RPTOR: variants seen among roughly 807,000 people sequenced by gnomAD.
The protein encoded by RPTOR is regulatory associated protein of MTOR complex 1.
RPTOR carries 21 observed loss-of-function variants against 169.9 expected under a neutral mutation model. The observed-to-expected ratio is 0.12, with a 90% CI of 0.09 to 0.18. RPTOR has a LOEUF of 0.18. RPTOR is among the 10% of genes least tolerant of loss of function. The pLI is 1.00. For missense variants in RPTOR, 1,133 were observed against 1,855.9 expected, an observed-to-expected ratio of 0.61 and a Z score of 7.16; for synonymous variants, 732 against 753.2, an observed-to-expected ratio of 0.97 and a Z score of 0.46.
chr17:80,801,636 T>G (rs2067158962), intron 7 of RPTOR: 1 of 152,200 alleles, frequency 6.6e-6, no homozygotes, highest in South Asian at 2.1e-4. Flanking sequence ...AAGATCCCAG[T>G]CTTGATTCAA....
At chr17:80,755,738 CAAA>C (rs77078803) in intron 6 of RPTOR, among the ~76,000 whole-genome samples, 76 of 80,228 alleles carry the variant, frequency 9.5e-4, no homozygotes, top group African/African-American at 3.6e-3. Context: ...GACCCTGTCT[CAAA>C]AAAAAAAAAA....
At chr17:80,827,887 A>G (rs28742979) in intron 9 of RPTOR, among the ~76,000 whole-genome samples, 36,470 of 152,154 alleles carry the variant, frequency 0.24, 4,540 homozygotes, top group African/African-American at 0.29. Context: ...TACGATTTTT[A>G]CTATCAATAT....
chr17:80,814,711 C>T (rs1255629697), intron 7 of RPTOR, among the ~76,000 whole-genome samples: 4 of 152,192 alleles, frequency 2.6e-5, no homozygotes, highest in African/African-American at 9.7e-5. Context: ...CTGTATTCGA[C>T]TTTCACGCTA....
chr17:80,739,180 C>T (rs1208020872), intron 5 of RPTOR, among the ~76,000 whole-genome samples: 2 of 133,570 alleles, frequency 1.5e-5, no homozygotes, highest in Non-Finnish European at 3.3e-5. Context: ...CTCGCCCCGC[C>T]CCGACGCGGA....
chr17:80,551,328 C>T (rs1341728370), intron 1 of RPTOR, among the ~76,000 whole-genome samples: 3 of 152,112 alleles, frequency 2.0e-5, no homozygotes, highest in Non-Finnish European at 4.4e-5. Context: ...ACCCAGGGAA[C>T]CAGCGTTCAG....
chr17:80,625,653 T>C, intron 1 of RPTOR, 38 bp from the exon 2 acceptor site: 1 of 1,438,072 alleles, frequency 7.0e-7, no homozygotes, highest in Non-Finnish European at 9.8e-7. Flanking sequence ...GAGTTCCATA[T>C]TGAAATATTT....
chr17:80,716,404 A>G (rs2066239766), intron 4 of RPTOR, among the ~76,000 whole-genome samples: 2 of 151,636 alleles, frequency 1.3e-5, no homozygotes, highest in Non-Finnish European at 2.9e-5. Flanking sequence ...CCTTAGCCCA[A>G]TTTTTGATGG....
chr17:80,746,344 C>G lies in RPTOR; in HGVS notation c.655-7666C>G, dbSNP rs2066575016. ...ACAGCGGTGCTTTCTGCGGGTGATC[C>G]CCACCGCCCCCACAGCGGTGCTTTC... On this transcript the variant is annotated intron_variant, in intron 5 of 33. Transcript: ENST00000306801. The surrounding 1 kb of genome is among the most constrained non-coding windows in gnomAD (Gnocchi z 4.5). Among the ~76,000 whole-genome samples the G allele has an allele frequency of 6.6e-6, 1 of 151,650 alleles. No homozygotes were observed. Among genetic ancestry groups the G allele is most frequent in the Non-Finnish European group, 1.5e-5 (1 of 67,904 alleles).
chr17:80,851,994 G>A (rs549197432), intron 11 of RPTOR, among the ~76,000 whole-genome samples: 2 of 152,182 alleles, frequency 1.3e-5, no homozygotes, highest in Non-Finnish European at 2.9e-5. Context: ...CAGCCATGGC[G>A]AGACCTGCCT....
At chr17:80,929,325 G>T (rs923137856) in intron 24 of RPTOR, among the ~76,000 whole-genome samples, 3 of 152,266 alleles carry the variant, frequency 2.0e-5, no homozygotes, top group Non-Finnish European at 4.4e-5. Context: ...TTACACAGCA[G>T]GCTGGCCACA....
Position 80,923,677 on chromosome 17 carries a change from C to A in RPTOR, c.2808+4C>A, listed in dbSNP as rs781177909. On this transcript the variant is annotated splice_donor_region_variant and intron_variant, in intron 23 of 33. Transcript: ENST00000306801. ...GTTCGACAAGGGCCCAGAGCAGGTA[C>A]GGGAGCCCGGCTGCCTGGTGATCTG... The A allele has an allele frequency of 6.3e-7, 1 of 1,581,604 alleles. No homozygotes were observed. Among genetic ancestry groups the A allele is most frequent in the East Asian group, 2.3e-5 (1 of 43,960 alleles).
intron 5 of RPTOR, among the ~76,000 whole-genome samples, chr17:80,748,076 G>A (rs2066594144): frequency 8.4e-6 from 1 of 119,160 alleles, no homozygotes; most frequent in African/African-American, 3.8e-5. Flanking sequence ...TGGAGGGACT[G>A]CGGTGTGTGT....
chr17:80,866,257 TATAAA>T (rs1487052849), intron 13 of RPTOR, among the ~76,000 whole-genome samples: 1 of 151,654 alleles, frequency 6.6e-6, no homozygotes, highest in Non-Finnish European at 1.5e-5. Context: ...TATATTAAGA[TATAAA>T]ATAAATAGGT....
chr17:80,660,220 G>A (rs188372184), intron 3 of RPTOR, among the ~76,000 whole-genome samples: 4 of 149,782 alleles, frequency 2.7e-5, no homozygotes, highest in East Asian at 3.9e-4. Context: ...GCAGTGAGCC[G>A]AGATCGCACC....
intron 8 of RPTOR, among the ~76,000 whole-genome samples, 170 bp from the exon 9 acceptor site, chr17:80,822,909 G>GT (rs1388811209): frequency 6.6e-6 from 1 of 152,106 alleles, no homozygotes; most frequent in Non-Finnish European, 1.5e-5. Flanking sequence ...GTGTGTGTAT[G>GT]TTTAAGTGTG....
At chr17:80,576,671 C>T (rs965287538) in intron 1 of RPTOR, among the ~76,000 whole-genome samples, 1 of 152,220 alleles carries the variant, frequency 6.6e-6, no homozygotes, top group Non-Finnish European at 1.5e-5. Flanking sequence ...ATGCCACATT[C>T]ACTTCGTTAG....
chr17:80,671,667 G>T (rs975790132), intron 3 of RPTOR, among the ~76,000 whole-genome samples: 1 of 152,174 alleles, frequency 6.6e-6, no homozygotes, highest in East Asian at 1.9e-4. Context: ...GGAACCTGGG[G>T]CTTACTGGAG....
chr17:80,708,138 C>A lies in RPTOR; in HGVS notation c.507+139C>A. On this transcript the variant is annotated intron_variant, in intron 4 of 33. Coordinates refer to ENST00000306801, the MANE Select transcript of RPTOR (RefSeq NM_020761.3). The surrounding 1 kb of genome is among the most constrained non-coding windows in gnomAD (Gnocchi z 4.2). Reference sequence around the variant, plus strand: ...GTTTCAACAAACCCAAATGCCATAACTGAACGGACCAGGTAGTCAGGCACA... The same window carrying A: ...GTTTCAACAAACCCAAATGCCATAAATGAACGGACCAGGTAGTCAGGCACA... 1.2e-6 allele frequency: 1 copy of A among 814,940 alleles called. No individual in the cohort carries two copies. Among genetic ancestry groups the A allele is most frequent in the East Asian group, 2.7e-5 (1 of 36,996 alleles). The allele number at this position is 814,940 out of a possible 1,614,324, so 50.5% of individuals were successfully genotyped here.
At chr17:80,949,625 T>G in intron 28 of RPTOR, 78 bp downstream of exon 28, 1 of 1,197,600 alleles carries the variant, frequency 8.4e-7, no homozygotes, top group South Asian at 1.2e-5. Context: ...AAGGCCCTTC[T>G]GGGGCTGTCT....
Sources: gnomAD v4.1 joint callset for allele counts (sites outside exome capture counted in the v4.1 genomes callset) on GRCh38, gnomAD v4.1.1 for gene constraint, Gnocchi (gnomAD v3.1) non-coding constraint, MANE v1.5 for transcripts, NCBI Gene and HGNC (gene_info 2026-07-23, HGNC 2026-07-21) for gene names.